SGCZ: variants seen among roughly 807,000 people sequenced by gnomAD.
SGCZ encodes the protein sarcoglycan zeta, also known as zeta-sarcoglycan.
Under a neutral mutation model 41.3 loss-of-function variants are expected in SGCZ, and 40 were observed. That is an observed-to-expected ratio of 0.97 (90% CI 0.75 to 1.26). SGCZ has a LOEUF of 1.26. Among genes scored for constraint, SGCZ ranks in the 50% most tolerant of loss-of-function variants. The probability of loss-of-function intolerance (pLI) is 0.00; values close to 1 mark genes in which losing one functional copy is unlikely to be tolerated. For missense variants in SGCZ, 552 were observed against 369.8 expected (o/e 1.49, Z -4.04); for synonymous variants, 206 against 137.5 (o/e 1.50, Z -3.49).
intron 1 of SGCZ, among the ~76,000 whole-genome samples, chr8:15,231,228 G>A (rs1174289718): frequency 1.3e-5 from 2 of 152,128 alleles, no homozygotes; most frequent in Non-Finnish European, 2.9e-5. Flanking sequence ...CTGGCTGGAT[G>A]CTAAAATCCT....
At chr8:14,489,224 A>G (rs1457320767) in intron 2 of SGCZ, among the ~76,000 whole-genome samples, 1 of 152,166 alleles carries the variant, frequency 6.6e-6, no homozygotes, top group African/African-American at 2.4e-5. Context: ...TTCAAAAATT[A>G]GAACGGGAAC....
intron 1 of SGCZ, among the ~76,000 whole-genome samples, chr8:14,908,141 G>A (rs1184927432): frequency 6.6e-6 from 1 of 152,062 alleles, no homozygotes; most frequent in Non-Finnish European, 1.5e-5. Flanking sequence ...AACCTTTTCT[G>A]TCTCTTTGAT....
At chr8:15,091,696 G>C (rs1243642667) in intron 1 of SGCZ, among the ~76,000 whole-genome samples, 3 of 151,974 alleles carry the variant, frequency 2.0e-5, no homozygotes, top group African/African-American at 7.3e-5. Context: ...TAAAATCTGA[G>C]ACCCATTGTT....
intron 4 of SGCZ, among the ~76,000 whole-genome samples, chr8:14,196,224 CA>C (rs1805262307): frequency 6.6e-6 from 1 of 150,478 alleles, no homozygotes; most frequent in Non-Finnish European, 1.5e-5. Flanking sequence ...GCAACTAAAT[CA>C]ATAAGAAGAT....
intron 2 of SGCZ, among the ~76,000 whole-genome samples, chr8:14,469,139 A>G (rs551806065): frequency 3.9e-5 from 6 of 152,044 alleles, no homozygotes; most frequent in Non-Finnish European, 7.4e-5. Context: ...TTTTGCTTCA[A>G]TGGTGCCCTA....
chr8:15,167,672 G>T (rs268405), intron 1 of SGCZ, among the ~76,000 whole-genome samples: 30,503 of 141,926 alleles, frequency 0.21, 3,592 homozygotes, highest in African/African-American at 0.32. Context: ...TTTATAATTT[G>T]GGATGTTTAA....
chr8:14,969,900 A>G (rs968316138), intron 1 of SGCZ, among the ~76,000 whole-genome samples: 5 of 152,122 alleles, frequency 3.3e-5, no homozygotes, highest in Non-Finnish European at 5.9e-5. Flanking sequence ...CAAGACTGAA[A>G]TGGCAGACAA....
intron 3 of SGCZ, among the ~76,000 whole-genome samples, chr8:14,246,040 G>A (rs1287058971): frequency 7.9e-5 from 12 of 152,232 alleles, no homozygotes; most frequent in African/African-American, 2.6e-4. Context: ...TCAGTGTGGC[G>A]ATTCCTCAGG....
intron 1 of SGCZ, among the ~76,000 whole-genome samples, chr8:14,943,634 T>C (rs886103764): frequency 9.2e-5 from 14 of 152,256 alleles, no homozygotes; most frequent in African/African-American, 3.1e-4. Flanking sequence ...AAACTGTGTG[T>C]CATGGGGGTT....
chr8:15,225,303 G>C (rs1218863507), intron 1 of SGCZ, among the ~76,000 whole-genome samples: 1 of 149,488 alleles, frequency 6.7e-6, no homozygotes, highest in Non-Finnish European at 1.5e-5. Flanking sequence ...AAGTGTATAG[G>C]AACACAAAAA....
chr8:15,217,084 A>G (rs1270495164), intron 1 of SGCZ, among the ~76,000 whole-genome samples: 1 of 152,144 alleles, frequency 6.6e-6, no homozygotes, highest in Non-Finnish European at 1.5e-5. Context: ...TCAAAAAGTA[A>G]GCATTCCGAC....
chr8:14,377,505 A>G (rs1001239800), intron 2 of SGCZ, among the ~76,000 whole-genome samples: 10 of 151,490 alleles, frequency 6.6e-5, no homozygotes, highest in South Asian at 6.3e-4. Context: ...TTTTTTTATT[A>G]TTTTTATTTT....
chr8:14,208,853 T>C (rs975980559), intron 4 of SGCZ, among the ~76,000 whole-genome samples: 1 of 152,188 alleles, frequency 6.6e-6, no homozygotes, highest in Non-Finnish European at 1.5e-5. Flanking sequence ...AAGAAGAAAT[T>C]AGGCAGATAG....
chr8:14,336,060 C>CTCCTCCCACCTTCCA, intron 2 of SGCZ, among the ~76,000 whole-genome samples: 1 of 152,158 alleles, frequency 6.6e-6, no homozygotes, highest in Non-Finnish European at 1.5e-5. Flanking sequence ...GATCTGCTCC[C>CTCCTCCCACCTTCCA]TCCTCCCACC....
At chr8:14,678,710 C>T (rs1808349269) in intron 1 of SGCZ, among the ~76,000 whole-genome samples, 1 of 152,132 alleles carries the variant, frequency 6.6e-6, no homozygotes, top group Non-Finnish European at 1.5e-5. Context: ...AATTGAAAAC[C>T]TATGTTCATA....
intron 1 of SGCZ, among the ~76,000 whole-genome samples, chr8:14,626,779 C>G (rs1267017729): frequency 6.6e-6 from 1 of 152,124 alleles, no homozygotes; most frequent in African/African-American, 2.4e-5. Context: ...CAGAAGGAAC[C>G]AAGGCTGCTG....
At chr8:14,932,116 C>T (rs1268959456) in intron 1 of SGCZ, among the ~76,000 whole-genome samples, 1 of 151,766 alleles carries the variant, frequency 6.6e-6, no homozygotes, top group Non-Finnish European at 1.5e-5. Flanking sequence ...ATAAATTTTA[C>T]TTTTTGAACT....
Position 14,949,719 on chromosome 8 carries a change from A to G in SGCZ, c.39+287866T>C, listed in dbSNP as rs1329657283. On this transcript the variant is annotated intron_variant, in intron 1 of 7. Transcript: ENST00000382080. ...TATCTTTTTGGATTATCTCTACTCA[A>G]TGTTTTAACAATATGTGCTACTCTA... Among the ~76,000 whole-genome samples, 4 of 152,048 alleles carry G rather than the reference A, an allele frequency of 2.6e-5. No homozygotes were observed. The South Asian group carries it at 6.2e-4, about 24-fold the overall frequency.
chr8:14,188,914 C>G, intron 4 of SGCZ, among the ~76,000 whole-genome samples: 1 of 150,880 alleles, frequency 6.6e-6, no homozygotes, highest in African/African-American at 2.4e-5. Flanking sequence ...TCATTGCAAC[C>G]TCCATCACCC....
Sources: allele counts gnomAD v4.1 joint callset (sites outside exome capture counted in the v4.1 genomes callset), GRCh38; gene constraint gnomAD v4.1.1; transcripts MANE v1.5; gene names NCBI Gene and HGNC (gene_info 2026-07-23, HGNC 2026-07-21).